The following SYNE3 variants were observed in gnomAD, a reference collection of about 807,000 sequenced individuals.
SYNE3 encodes nesprin-3.
A neutral mutation model predicts 111.2 loss-of-function variants in SYNE3; 100 were observed. The ratio of observed to expected loss-of-function variants is 0.90; its 90% CI spans 0.77 to 1.06. The LOEUF is 1.06. Ranked by LOEUF, SYNE3 falls within the 50% of genes least tolerant of loss-of-function variation. The probability of loss-of-function intolerance (pLI) is 0.00; values close to 1 mark genes in which losing one functional copy is unlikely to be tolerated. For missense variants in SYNE3, 1,160 were observed against 1,240.3 expected (o/e 0.94, Z 0.97); for synonymous variants, 547 against 533.9 (o/e 1.02, Z -0.34).
At chr14:95,459,476 C>T (rs1887659849) in intron 4 of SYNE3, among the ~76,000 whole-genome samples, 1 of 151,950 alleles carries the variant, frequency 6.6e-6, no homozygotes, top group Admixed American at 6.6e-5. Flanking sequence ...GAGGCTGAAG[C>T]TAGGAATGGG....
intron 2 of SYNE3, among the ~76,000 whole-genome samples, chr14:95,472,673 G>A (rs1459176095): frequency 6.6e-6 from 1 of 152,164 alleles, no homozygotes; most frequent in Non-Finnish European, 1.5e-5. Context: ...ATCCTCCTGA[G>A]GTGCCACAGC....
chr14:95,418,174 A>G (rs1740644), intron 17 of SYNE3, 148 bp from the exon 18 acceptor site: 164,736 of 787,074 alleles, frequency 0.21, 19,480 homozygotes, highest in Middle Eastern at 0.27. Context: ...TCTGTGAAAC[A>G]GGGCTAATGT....
intron 17 of SYNE3, among the ~76,000 whole-genome samples, chr14:95,424,821 CAG>C (rs1361220136): frequency 6.6e-5 from 10 of 152,172 alleles, no homozygotes. Context: ...TGGAGGAAAA[CAG>C]AGATGTGGCA....
rs995100999 is a variant in SYNE3, at chr14:95,470,042, G to C, written c.145-2075C>G. ...AGTGAAGAATGGGGAGATTCCTCAAGAGAGGGAAAGAGGGTTTGTTTGGCC... is the reference window on the plus strand; with the variant it reads ...AGTGAAGAATGGGGAGATTCCTCAACAGAGGGAAAGAGGGTTTGTTTGGCC... On this transcript the variant is annotated intron_variant, in intron 2 of 17. Coordinates refer to ENST00000682763, the MANE Select transcript of SYNE3 (RefSeq NM_152592.6). The surrounding 1 kb of genome is among the most constrained non-coding windows in gnomAD (Gnocchi z 4.2). Among the ~76,000 whole-genome samples, 2 of 152,222 alleles carry C rather than the reference G, an allele frequency of 1.3e-5. No homozygotes were observed. The highest frequency in any genetic ancestry group is 4.8e-5 in the African/African-American group (2 of 41,454).
At chr14:95,514,712 T>G (rs975336292) in intron 1 of SYNE3, among the ~76,000 whole-genome samples, 5 of 152,250 alleles carry the variant, frequency 3.3e-5, no homozygotes, top group African/African-American at 4.8e-5. Context: ...AAGGCAGGAC[T>G]GGACTCAGGC....
rs375006965 is a variant in SYNE3, at chr14:95,512,664, A to T, written c.-15+3932T>A. Among the ~76,000 whole-genome samples, 8 of 151,748 alleles carry T rather than the reference A, an allele frequency of 5.3e-5. No homozygotes were observed. The South Asian group carries it at 1.7e-3, about 31-fold the overall frequency. Reference sequence around the variant, plus strand: ...TCAGGAGATCAAGACCATCCTGGCTAACACGATGAAACCCCGTCTCTACTA... The same window carrying T: ...TCAGGAGATCAAGACCATCCTGGCTTACACGATGAAACCCCGTCTCTACTA... On this transcript the variant is annotated intron_variant, in intron 1 of 17. Transcript: ENST00000682763.
Position 95,433,409 on chromosome 14 carries a change from C to A in SYNE3, c.2539G>T (p.Glu847Ter), listed in dbSNP as rs767219231. Residue 847 changes from glutamate (E) to a stop codon, truncating the protein, a stop_gained and splice_region_variant, in exon 16 of 18, where the codon GAG becomes TAG. Transcript: ENST00000682763. LOFTEE classifies it high-confidence loss of function. ...DLRTRKSKLQ[E>*]LEARVPEGQH... ...CCTTCTGGCACCCGAGCCTCCAGCT[C>A]CTGGGGGAAACAGCAGCGTCATGGT... 1 of 1,613,936 alleles carries A rather than the reference C, an allele frequency of 6.2e-7. No homozygotes were observed. Among genetic ancestry groups the A allele is most frequent in the Non-Finnish European group, 8.5e-7 (1 of 1,179,876 alleles).
At chr14:95,478,999 T>A (rs10133816) in intron 1 of SYNE3, among the ~76,000 whole-genome samples, 83,875 of 151,756 alleles carry the variant, frequency 0.55, 24,049 homozygotes, top group African/African-American at 0.73. Flanking sequence ...AGTGGTCAAG[T>A]CCCCATGACT....
chr14:95,515,587 C>T (rs934331044), intron 1 of SYNE3, among the ~76,000 whole-genome samples: 3 of 152,224 alleles, frequency 2.0e-5, no homozygotes, highest in Non-Finnish European at 2.9e-5. Flanking sequence ...TCTGGGAGGA[C>T]GGTCCATTCT....
At chr14:95,491,655 C>T (rs1038024809) in intron 1 of SYNE3, among the ~76,000 whole-genome samples, 2 of 151,944 alleles carry the variant, frequency 1.3e-5, no homozygotes, top group African/African-American at 4.8e-5. Context: ...ATCTTCCTGA[C>T]CTTGGAATAC....
chr14:95,508,440 A>G (rs1419984420), intron 1 of SYNE3, among the ~76,000 whole-genome samples: 2 of 152,228 alleles, frequency 1.3e-5, no homozygotes, highest in Non-Finnish European at 1.5e-5. Flanking sequence ...ACAGATAACA[A>G]TCCCTGGCCT....
intron 1 of SYNE3, among the ~76,000 whole-genome samples, chr14:95,512,468 G>T (rs8008011): frequency 2.6e-5 from 4 of 151,968 alleles, no homozygotes; most frequent in African/African-American, 4.8e-5. Flanking sequence ...GCAGAACAAT[G>T]GCTTGAACCT....
chr14:95,492,566 AT>A (rs1252584396), intron 1 of SYNE3, among the ~76,000 whole-genome samples: 1 of 152,176 alleles, frequency 6.6e-6, no homozygotes, highest in Non-Finnish European at 1.5e-5. Flanking sequence ...GAACAGGCAA[AT>A]TTACAGAGGC....
intron 1 of SYNE3, among the ~76,000 whole-genome samples, chr14:95,481,202 T>C (rs1889230565): frequency 6.6e-6 from 1 of 152,218 alleles, no homozygotes; most frequent in Non-Finnish European, 1.5e-5. Context: ...TTAAACCTTG[T>C]TCTATTGGAT....
At chr14:95,469,179 T>G (rs767033639) in intron 2 of SYNE3, among the ~76,000 whole-genome samples, 1 of 152,174 alleles carries the variant, frequency 6.6e-6, no homozygotes, top group Non-Finnish European at 1.5e-5. Flanking sequence ...CCCTGAGGGC[T>G]GGTGGTCAGT....
intron 1 of SYNE3, among the ~76,000 whole-genome samples, chr14:95,497,141 C>T (rs1890127394): frequency 6.6e-6 from 1 of 152,234 alleles, no homozygotes; most frequent in Admixed American, 6.5e-5. Context: ...AGTCACTGCC[C>T]CAGCCCCTGT....
chr14:95,499,946 G>A (rs1002018276), intron 1 of SYNE3, among the ~76,000 whole-genome samples: 21 of 133,308 alleles, frequency 1.6e-4, no homozygotes, highest in African/African-American at 3.3e-4. Context: ...TGCAACCTCC[G>A]CCTCCCATGT....
In SYNE3 at chr14:95,485,939, AG is replaced by A. The variant is rs1269994103; in HGVS notation, c.-14-10105del. ...CAGAGTCTGATTTGGGACAAGGGTC[AG>A]GGGAGGGACAGAGGTGCAGACAGCA... is the stretch of plus-strand genomic sequence containing the variant. On this transcript the variant is annotated intron_variant, in intron 1 of 17. Transcript: ENST00000682763. The surrounding 1 kb of genome is among the most constrained non-coding windows in gnomAD (Gnocchi z 4.3). 1.3e-5 allele frequency among the ~76,000 whole-genome samples: 2 copies of A among 152,174 alleles called. No individual in the cohort carries two copies. The highest frequency in any genetic ancestry group is 2.9e-5 in the Non-Finnish European group (2 of 68,024).
chr14:95,495,084 C>T (rs995362409), intron 1 of SYNE3, among the ~76,000 whole-genome samples: 5 of 151,438 alleles, frequency 3.3e-5, no homozygotes, highest in Admixed American at 1.3e-4. Flanking sequence ...TGCACTCCAG[C>T]CTGGGCAACA....
Sources: gnomAD v4.1 joint callset for allele counts (sites outside exome capture counted in the v4.1 genomes callset) on GRCh38, gnomAD v4.1.1 for gene constraint, Gnocchi (gnomAD v3.1) non-coding constraint, MANE v1.5 for transcripts, NCBI Gene and HGNC (gene_info 2026-07-23, HGNC 2026-07-21) for gene names.